Variants in PRR16 observed in about 807,000 individuals in gnomAD.
The protein encoded by PRR16 is protein Largen.
A neutral mutation model predicts 18.2 loss-of-function variants in PRR16; 6 were observed. The observed-to-expected ratio is 0.33, with a 90% CI of 0.18 to 0.65. The LOEUF is 0.65. PRR16 is among the 30% of genes least tolerant of loss of function. PRR16 has a pLI of 0.74. For missense variants in PRR16, 412 were observed against 376.6 expected (o/e 1.09, Z -0.78); for synonymous variants, 151 against 147.8 (o/e 1.02, Z -0.16).
At chr5:120,667,266 T>C (rs1756418270) in intron 1 of PRR16, among the ~76,000 whole-genome samples, 1 of 151,884 alleles carries the variant, frequency 6.6e-6, no homozygotes, top group South Asian at 2.1e-4. Flanking sequence ...TATTCTCTGA[T>C]GGTAGTTTGT....
intron 1 of PRR16, among the ~76,000 whole-genome samples, chr5:120,666,684 G>C (rs1756389575): frequency 6.7e-6 from 1 of 149,474 alleles, no homozygotes; most frequent in Admixed American, 6.7e-5. Context: ...GTTGAATTTT[G>C]TCAAAGGCCT....
the PRR16 span, among the ~76,000 whole-genome samples, chr5:120,745,401 A>G: frequency 6.6e-6 from 1 of 152,128 alleles, no homozygotes; most frequent in South Asian, 2.1e-4. Flanking sequence ...CTCTTTAAGC[A>G]GCATCCACTC....
At chr5:120,483,930 C>A (rs746664406) in intron 1 of PRR16, among the ~76,000 whole-genome samples, 3 of 151,866 alleles carry the variant, frequency 2.0e-5, no homozygotes, top group Non-Finnish European at 4.4e-5. Flanking sequence ...CCAACTTGGC[C>A]TTAATTGGCA....
chr5:120,711,624 C>T, the PRR16 span, among the ~76,000 whole-genome samples: 7 of 152,292 alleles, frequency 4.6e-5, no homozygotes, highest in East Asian at 5.8e-4. Flanking sequence ...CCTATAGATA[C>T]ATCTCTCTTG....
intron 1 of PRR16, among the ~76,000 whole-genome samples, chr5:120,602,586 G>A (rs1754019106): frequency 6.6e-6 from 1 of 151,916 alleles, no homozygotes; most frequent in East Asian, 1.9e-4. Context: ...CTCTGGCTAG[G>A]CCTTCCTGTA....
chr5:120,755,919 G>T, the PRR16 span, among the ~76,000 whole-genome samples: 3 of 152,088 alleles, frequency 2.0e-5, no homozygotes, highest in African/African-American at 7.2e-5. Flanking sequence ...CAAGCAAGTG[G>T]CTCAAGCTCT....
At chr5:120,596,909 A>G (rs1344590635) in intron 1 of PRR16, among the ~76,000 whole-genome samples, 1 of 151,738 alleles carries the variant, frequency 6.6e-6, no homozygotes, top group African/African-American at 2.4e-5. Context: ...GTTATAGTTT[A>G]TGCATTTTTA....
chr5:120,737,338 T>TTA, the PRR16 span, among the ~76,000 whole-genome samples: 8 of 68,446 alleles, frequency 1.2e-4, no homozygotes, highest in African/African-American at 4.5e-4. Flanking sequence ...TTTTTTTTTT[T>TTA]ATGAAAGGGT....
intron 1 of PRR16, among the ~76,000 whole-genome samples, chr5:120,595,685 A>G (rs1239797076): frequency 6.6e-6 from 1 of 151,918 alleles, no homozygotes; most frequent in African/African-American, 2.4e-5. Context: ...CCTAAAATAA[A>G]AGTTAAAAAA....
At chr5:120,517,078 C>G (rs185400263) in intron 1 of PRR16, among the ~76,000 whole-genome samples, 1 of 152,146 alleles carries the variant, frequency 6.6e-6, no homozygotes, top group East Asian at 1.9e-4. Flanking sequence ...TAAAAAATTG[C>G]TAGCAAAAAA....
chr5:120,668,609 T>C (rs1273832979), intron 1 of PRR16, among the ~76,000 whole-genome samples: 1 of 152,220 alleles, frequency 6.6e-6, no homozygotes, highest in Non-Finnish European at 1.5e-5. Context: ...TTCCTTTCCA[T>C]GTTTAGTGCT....
At chr5:120,471,997 A>G (rs796284383) in intron 1 of PRR16, among the ~76,000 whole-genome samples, 13 of 152,284 alleles carry the variant, frequency 8.5e-5, no homozygotes, top group African/African-American at 3.1e-4. Context: ...CCTCACTTTC[A>G]GGCAAGAAAT....
chr5:120,575,901 C>A (rs1395153584), intron 1 of PRR16, among the ~76,000 whole-genome samples: 1 of 152,054 alleles, frequency 6.6e-6, no homozygotes, highest in Non-Finnish European at 1.5e-5. Flanking sequence ...TGATTTTAAG[C>A]AAAGGTGCCA....
At chr5:120,743,313 G>A in the PRR16 span, among the ~76,000 whole-genome samples, 6,372 of 150,832 alleles carry the variant, frequency 0.042, 481 homozygotes, top group African/African-American at 0.15. Context: ...GTAAAATTTA[G>A]TTTTGAGAAG....
chr5:120,639,053 GTGA>G (rs1301775272), intron 1 of PRR16, among the ~76,000 whole-genome samples: 3 of 152,030 alleles, frequency 2.0e-5, no homozygotes, highest in African/African-American at 7.2e-5. Flanking sequence ...CGAGTATGTA[GTGA>G]CTTAATATAG....
At chr5:120,599,487 T>G (rs1261117009) in intron 1 of PRR16, among the ~76,000 whole-genome samples, 2 of 151,954 alleles carry the variant, frequency 1.3e-5, no homozygotes, top group African/African-American at 4.8e-5. Context: ...CTCATTTGTT[T>G]AAAAATTTAT....
the PRR16 span, among the ~76,000 whole-genome samples, chr5:120,725,862 C>A: frequency 6.6e-6 from 1 of 151,756 alleles, no homozygotes; most frequent in Non-Finnish European, 1.5e-5. Flanking sequence ...TGAATGAATA[C>A]TATAGTGAGA....
At chr5:120,641,358 T>C (rs948352539) in intron 1 of PRR16, among the ~76,000 whole-genome samples, 9 of 152,100 alleles carry the variant, frequency 5.9e-5, no homozygotes, top group Non-Finnish European at 8.8e-5. Context: ...ATAATTATAA[T>C]GCTGTTAGAT....
chr5:120,731,775 G>A, the PRR16 span, among the ~76,000 whole-genome samples: 1 of 152,136 alleles, frequency 6.6e-6, no homozygotes, highest in Non-Finnish European at 1.5e-5. Flanking sequence ...CATTAAATAG[G>A]ACTGATTCTG....
Sources: gnomAD v4.1 joint callset for allele counts (sites outside exome capture counted in the v4.1 genomes callset) on GRCh38, gnomAD v4.1.1 for gene constraint, MANE v1.5 for transcripts, NCBI Gene and HGNC (gene_info 2026-07-23, HGNC 2026-07-21) for gene names.